The following PLCB4 variants were observed in gnomAD, a reference collection of about 807,000 sequenced individuals.
The protein encoded by PLCB4 is 1-phosphatidylinositol 4,5-bisphosphate phosphodiesterase beta-4.
Under a neutral mutation model 178.8 loss-of-function variants are expected in PLCB4, and 77 were observed. The observed-to-expected ratio is 0.43, with a 90% confidence interval of 0.36 to 0.52. PLCB4 has a LOEUF of 0.52. Ranked by LOEUF, PLCB4 falls within the 20% of genes least tolerant of loss-of-function variation. The probability of loss-of-function intolerance (pLI) is 0.00; values close to 1 mark genes in which losing one functional copy is unlikely to be tolerated. For synonymous variants in PLCB4, 496 were observed against 490.8 expected (o/e 1.01, Z -0.14); for missense variants, 1,024 against 1,453.4 (o/e 0.70, Z 4.80).
At chr20:9,096,468 A>G (rs1225351356) in intron 2 of PLCB4, 126 bp downstream of exon 2, 2 of 152,246 alleles carry the variant, frequency 1.3e-5, no homozygotes, top group African/African-American at 2.4e-5. Flanking sequence ...ATTGAATTAA[A>G]ACCTCAGATT....
At chr20:9,324,230 C>T (rs577831160) in intron 4 of PLCB4, among the ~76,000 whole-genome samples, 5 of 150,806 alleles carry the variant, frequency 3.3e-5, no homozygotes, top group East Asian at 2.0e-4. Flanking sequence ...GTGGCTCTCA[C>T]GCCTGGCCAA....
chr20:9,159,707 C>G (rs1214792282), intron 2 of PLCB4, among the ~76,000 whole-genome samples: 4 of 152,078 alleles, frequency 2.6e-5, no homozygotes, highest in Non-Finnish European at 5.9e-5. Flanking sequence ...ACAGTGAGCC[C>G]AGGAGGGCAG....
intron 2 of PLCB4, among the ~76,000 whole-genome samples, chr20:9,169,399 C>G (rs903454498): frequency 6.7e-6 from 1 of 149,752 alleles, no homozygotes; most frequent in Non-Finnish European, 1.5e-5. Context: ...ACCAGCCAGG[C>G]CAACATGGTG....
intron 3 of PLCB4, among the ~76,000 whole-genome samples, chr20:9,258,474 C>T (rs556259935): frequency 2.0e-3 from 311 of 152,062 alleles, no homozygotes; most frequent in African/African-American, 7.3e-3. Flanking sequence ...CCCAGCACTT[C>T]GTGAGGCCGA....
intron 7 of PLCB4, among the ~76,000 whole-genome samples, chr20:9,347,411 T>C (rs2033912390): frequency 6.6e-6 from 1 of 152,218 alleles, no homozygotes; most frequent in African/African-American, 2.4e-5. Context: ...TTTAGAACCA[T>C]AGCTATAGAC....
intron 3 of PLCB4, among the ~76,000 whole-genome samples, chr20:9,260,640 A>G (rs2094287826): frequency 1.3e-5 from 2 of 152,286 alleles, no homozygotes; most frequent in Admixed American, 1.3e-4. Flanking sequence ...ATGTGTGTAT[A>G]TATGAGCTTA....
chr20:9,396,353 A>C (rs570194211), intron 19 of PLCB4, among the ~76,000 whole-genome samples: 21 of 152,356 alleles, frequency 1.4e-4, no homozygotes, highest in Admixed American at 5.2e-4. Flanking sequence ...AAAGTGAACT[A>C]GAAACTAAAA....
At chr20:9,401,174 G>C (rs1018188799) in intron 19 of PLCB4, among the ~76,000 whole-genome samples, 2 of 152,018 alleles carry the variant, frequency 1.3e-5, no homozygotes, top group Non-Finnish European at 2.9e-5. Flanking sequence ...AGTGTTTGAG[G>C]CTTTCATTTT....
At chr20:9,119,205 G>A (rs1001352979) in intron 2 of PLCB4, among the ~76,000 whole-genome samples, 10 of 152,028 alleles carry the variant, frequency 6.6e-5, no homozygotes, top group Admixed American at 2.6e-4. Flanking sequence ...ATTTCTCTAG[G>A]TTACATTCTT....
At chr20:9,339,241 C>T (rs1407193261) in intron 7 of PLCB4, among the ~76,000 whole-genome samples, 2 of 152,124 alleles carry the variant, frequency 1.3e-5, no homozygotes, top group Non-Finnish European at 2.9e-5. Context: ...ACCCAAATAC[C>T]TACTACGATA....
At chr20:9,229,742 G>A (rs948505113) in intron 3 of PLCB4, among the ~76,000 whole-genome samples, 1 of 151,884 alleles carries the variant, frequency 6.6e-6, no homozygotes, top group Non-Finnish European at 1.5e-5. Flanking sequence ...AGGATGTGCA[G>A]GTCTGTTACA....
chr20:9,211,928 G>C (rs1018846862), intron 2 of PLCB4, among the ~76,000 whole-genome samples: 3 of 152,184 alleles, frequency 2.0e-5, no homozygotes, highest in Non-Finnish European at 4.4e-5. Context: ...CCATTAGTGG[G>C]AGAGTGTTCC....
At position 9,395,602 on chromosome 20, in the gene PLCB4, A is replaced by G; in HGVS notation, c.1494A>G (p.Glu498=). ...SPANILEDDN[E]EEIESADQEE... ...CAAACATCTTAGAGGACGATAATGA[A>G]GAGGAGATCGAAAGTGGTGAGCTGT... The change falls in exon 19 of 40, where the codon GAA becomes GAG. Residue 498 remains glutamate, a synonymous_variant. Coordinates refer to ENST00000378473, the MANE Select transcript of PLCB4 (RefSeq NM_001377142.1). The G allele has an allele frequency of 6.2e-7, 1 of 1,609,608 alleles. No individual in the cohort carries two copies. Among genetic ancestry groups the G allele is most frequent in the East Asian group, 2.2e-5 (1 of 44,860 alleles).
At chr20:9,250,160 A>G (rs1471200608) in intron 3 of PLCB4, among the ~76,000 whole-genome samples, 1 of 152,222 alleles carries the variant, frequency 6.6e-6, no homozygotes, top group Non-Finnish European at 1.5e-5. Context: ...GCACAAAAAA[A>G]TCCTTCAGCC....
chr20:9,287,766 C>T (rs1216285392), intron 3 of PLCB4, among the ~76,000 whole-genome samples: 10 of 152,034 alleles, frequency 6.6e-5, no homozygotes, highest in Admixed American at 5.9e-4. Context: ...GTTCTATAAA[C>T]TGCAGAAGAG....
At chr20:9,081,134 C>A (rs1329208570) in intron 1 of PLCB4, among the ~76,000 whole-genome samples, 1 of 152,186 alleles carries the variant, frequency 6.6e-6, no homozygotes, top group African/African-American at 2.4e-5. Context: ...ACAGTGAGAT[C>A]TTGCTCTCAG....
At chr20:9,098,345 A>G (rs939383467) in intron 2 of PLCB4, among the ~76,000 whole-genome samples, 4 of 152,184 alleles carry the variant, frequency 2.6e-5, no homozygotes, top group African/African-American at 9.6e-5. Context: ...AGCATAAATC[A>G]TCTGCATCAC....
At chr20:9,265,556 C>G (rs1003952914) in intron 3 of PLCB4, among the ~76,000 whole-genome samples, 1 of 152,094 alleles carries the variant, frequency 6.6e-6, no homozygotes, top group African/African-American at 2.4e-5. Flanking sequence ...GGCAAGACTC[C>G]TGGGGTCACA....
chr20:9,229,192 T>C (rs1404996044), intron 3 of PLCB4, among the ~76,000 whole-genome samples: 6 of 152,194 alleles, frequency 3.9e-5, no homozygotes, highest in Non-Finnish European at 7.3e-5. Flanking sequence ...AGAGGAAGTG[T>C]GGACTACAGT....
Sources: allele counts gnomAD v4.1 joint callset (sites outside exome capture counted in the v4.1 genomes callset), GRCh38; gene constraint gnomAD v4.1.1; transcripts MANE v1.5; gene names NCBI Gene and HGNC (gene_info 2026-07-23, HGNC 2026-07-21).